The following CAPN1 variants were observed in gnomAD, a reference collection of about 807,000 sequenced individuals.
The protein encoded by CAPN1 is calpain-1 catalytic subunit.
A neutral mutation model predicts 105.2 loss-of-function variants in CAPN1; 77 were observed. The observed-to-expected ratio is 0.73, with a 90% confidence interval of 0.61 to 0.88. The LOEUF (loss-of-function observed/expected upper bound fraction) is 0.88, where lower values mean the gene tolerates loss of function less well. Among genes scored for constraint, CAPN1 ranks in the 40% least tolerant of loss-of-function variants. The pLI, the probability that CAPN1 is intolerant of heterozygous loss-of-function variation, is 0.00. For synonymous variants in CAPN1, 355 were observed against 388.8 expected (o/e 0.91, Z 1.02); for missense variants, 833 against 976.6 (o/e 0.85, Z 1.96).
intron 10 of CAPN1, among the ~76,000 whole-genome samples, chr11:65,193,347 G>GCATTGTCTC (rs1216357414): frequency 6.6e-6 from 1 of 151,850 alleles, no homozygotes; most frequent in Non-Finnish European, 1.5e-5. Context: ...TTGCTCATTT[G>GCATTGTCTC]CATTGTCTCT....
At chr11:65,194,542 C>G (rs904991010) in intron 10 of CAPN1, among the ~76,000 whole-genome samples, 1 of 152,108 alleles carries the variant, frequency 6.6e-6, no homozygotes, top group Non-Finnish European at 1.5e-5. Flanking sequence ...AGCATTTCTT[C>G]ACCGCCCCCA....
chr11:65,183,426 C>A lies in CAPN1; in HGVS notation c.338-48C>A, dbSNP rs889192754. 7.6e-6 allele frequency: 11 copies of A among 1,442,064 alleles called. No homozygotes were observed. In the East Asian group the frequency reaches 1.4e-4, roughly 18 times the overall value. 89.3% of individuals were successfully genotyped at this position (1,442,064 alleles called of 1,614,324 possible). On this transcript the variant is annotated intron_variant, in intron 3 of 21. Coordinates refer to ENST00000279247, the MANE Select transcript of CAPN1 (RefSeq NM_005186.4). Reference sequence around the variant, plus strand: ...TTCTCCCTAGCACCCGCTTCCCCCCCCGGGGCAGGTTGGTAGAGCAGGCTA... The same window carrying A: ...TTCTCCCTAGCACCCGCTTCCCCCCACGGGGCAGGTTGGTAGAGCAGGCTA...
chr11:65,181,881 G>GGGAGGGCGGAGGGCGGAGGGGCGGCGGGA (rs1590845517), upstream of CAPN1: 4 of 170,206 alleles, frequency 2.4e-5, no homozygotes, highest in East Asian at 1.9e-4. The surrounding 1 kb of genome is among the most constrained non-coding windows in gnomAD (Gnocchi z 4.6). Context: ...GAAGGAGAGA[G>GGGAGGGCGGAGGGCGGAGGGGCGGCGGGA]GGAGGGCGGA....
In CAPN1 at chr11:65,188,264, C is replaced by T. The variant is rs563952971; in HGVS notation, c.930-150C>T. On this transcript the variant is annotated intron_variant, in intron 8 of 21. Coordinates refer to ENST00000279247, the MANE Select transcript of CAPN1 (RefSeq NM_005186.4). This position sits in a 1 kb window ranked among gnomAD's most constrained non-coding sequence, Gnocchi z 5.5. The stretch of plus-strand genomic sequence containing the variant: ...GGGCATCAGACTGGCCCTGATGAGA[C>T]CACCCCCTAGAAGCGGAACCTTGGC... 4.0e-4 allele frequency: 294 copies of T among 740,858 alleles called. 1 individual carries two copies. Among genetic ancestry groups the T allele is most frequent in the Non-Finnish European group, 6.0e-4 (269 of 452,020 alleles). The allele number at this position is 740,858 out of a possible 1,614,324, so 45.9% of individuals were successfully genotyped here.
At chr11:65,200,406 G>A (rs1948851318) in intron 10 of CAPN1, among the ~76,000 whole-genome samples, 1 of 152,104 alleles carries the variant, frequency 6.6e-6, no homozygotes. Flanking sequence ...GTGCAATGGT[G>A]TGATCTCGGC....
Position 65,208,243 on chromosome 11 carries a change from C to G in CAPN1, c.1710C>G (p.Leu570=). The change falls in exon 16 of 22, where the codon CTC becomes CTG. Residue 570 remains leucine (L), a synonymous_variant. Transcript: ENST00000279247. This position sits in a 1 kb window ranked among gnomAD's most constrained non-coding sequence, Gnocchi z 4.1. Reference sequence around the variant, plus strand: ...GCGTGAAGGAGTTGCGGACAATCCTCAATAGGATCATCAGCAAACGTGAGT... The same window carrying G: ...GCGTGAAGGAGTTGCGGACAATCCTGAATAGGATCATCAGCAAACGTGAGT... ...EISVKELRTI[L]NRIISKHKDL... is the part of the protein sequence containing the mutation. 4.5e-6 allele frequency: 7 copies of G among 1,569,738 alleles called. No homozygotes were observed. Among genetic ancestry groups the G allele is most frequent in the Non-Finnish European group, 6.0e-6 (7 of 1,157,306 alleles).
In CAPN1 at chr11:65,210,485, C is replaced by G; in HGVS notation, c.2059+33C>G. Reference sequence around the variant, plus strand: ...TCCCCAACTGCCTCCCACCCTCCAGCTCCGTCCCAAACGCGTCCCCCAGGA... The same window carrying G: ...TCCCCAACTGCCTCCCACCCTCCAGGTCCGTCCCAAACGCGTCCCCCAGGA... On this transcript the variant is annotated intron_variant, in intron 20 of 21. Transcript: ENST00000279247. This position sits in a 1 kb window ranked among gnomAD's most constrained non-coding sequence, Gnocchi z 4.3. 7.5e-7 allele frequency: 1 copy of G among 1,335,396 alleles called. No homozygotes were observed. The highest frequency in any genetic ancestry group is 1.1e-6 in the Non-Finnish European group (1 of 934,038). The allele number at this position is 1,335,396 out of a possible 1,614,324, so 82.7% of individuals were successfully genotyped here. A position where few individuals can be genotyped will look rare whatever the true frequency, so the allele number is the denominator to read the frequency against.
At chr11:65,196,571 C>T (rs541477103) in intron 10 of CAPN1, among the ~76,000 whole-genome samples, 1 of 152,212 alleles carries the variant, frequency 6.6e-6, no homozygotes, top group Admixed American at 6.5e-5. Context: ...CTGTCAAATA[C>T]TAGAACTTAT....
At chr11:65,204,966 C>T in intron 11 of CAPN1, 108 bp downstream of exon 11, 1 of 907,316 alleles carries the variant, frequency 1.1e-6, no homozygotes. Flanking sequence ...GGACCATGCC[C>T]TTCCCCACAA....
In CAPN1 at chr11:65,183,198, G is replaced by A; in HGVS notation, c.337+1G>A. ...ACAGACATCTGCCAGGGAGCACTGGGTAGGCCCCCAGGGCGTCGGGTCCCG... is the reference window on the plus strand; with the variant it reads ...ACAGACATCTGCCAGGGAGCACTGGATAGGCCCCCAGGGCGTCGGGTCCCG... On this transcript the variant is annotated splice_donor_variant, in intron 3 of 21. Transcript: ENST00000279247. LOFTEE classifies it high-confidence loss of function. 1 of 1,613,870 alleles carries A rather than the reference G, an allele frequency of 6.2e-7. No individual in the cohort carries two copies. The highest frequency in any genetic ancestry group is 8.5e-7 in the Non-Finnish European group (1 of 1,179,766).
rs529430894 is a variant in CAPN1 at position 65,202,843 on chromosome 11, C to CA, written c.1166-1839dup. Among the ~76,000 whole-genome samples, 342 of 152,222 alleles carry CA rather than the reference C, an allele frequency of 2.2e-3. 2 individuals are homozygous for CA. Among genetic ancestry groups the CA allele is most frequent in the African/African-American group, 7.8e-3 (322 of 41,540 alleles). The stretch of plus-strand genomic sequence containing the variant: ...AACCATCACCACATCAATTTTAGAA[C>CA]ATTTCATTATCCCAAAAACAAATGA... On this transcript the variant is annotated intron_variant, in intron 10 of 21. Coordinates refer to ENST00000279247, the MANE Select transcript of CAPN1 (RefSeq NM_005186.4).
rs919127734 is a variant in CAPN1, at chr11:65,208,707, G to A, written c.1729+445G>A. On this transcript the variant is annotated intron_variant, in intron 16 of 21. Transcript: ENST00000279247. This position sits in a 1 kb window ranked among gnomAD's most constrained non-coding sequence, Gnocchi z 4.1. ...GTTGGGAGGATGGCTTGAGACCAGG[G>A]AGGTTAAGGCTGCAGTGAGCTGTGA... 1 of 286,190 alleles carries A rather than the reference G, an allele frequency of 3.5e-6. No homozygotes were observed. Among genetic ancestry groups the A allele is most frequent in the African/African-American group, 2.2e-5 (1 of 45,998 alleles). The allele number at this position is 286,190 out of a possible 1,614,324, so 17.7% of individuals were successfully genotyped here. A position where few individuals can be genotyped will look rare whatever the true frequency, so the allele number is the denominator to read the frequency against.
chr11:65,204,319 C>G (rs982340071), intron 10 of CAPN1, among the ~76,000 whole-genome samples: 1 of 152,036 alleles, frequency 6.6e-6, no homozygotes, highest in African/African-American at 2.4e-5. Context: ...GGGGCCCTTC[C>G]TCACCTCTGC....
intron 6 of CAPN1, among the ~76,000 whole-genome samples, chr11:65,186,623 A>G (rs1434314479): frequency 6.6e-6 from 1 of 151,524 alleles, no homozygotes; most frequent in African/African-American, 2.4e-5. Flanking sequence ...ATCTCAATCC[A>G]TGCCATCCTC....
At chr11:65,201,317 G>T (rs1364300407) in intron 10 of CAPN1, among the ~76,000 whole-genome samples, 1 of 151,898 alleles carries the variant, frequency 6.6e-6, no homozygotes, top group Admixed American at 6.6e-5. Context: ...GAACTCCTGG[G>T]CTCAAGCAGT....
chr11:65,183,178 C>T lies in CAPN1; in HGVS notation c.318C>T (p.Asp106=), dbSNP rs780457341. 4 of 1,613,798 alleles carry T rather than the reference C, an allele frequency of 2.5e-6. No individual in the cohort carries two copies. The highest frequency in any genetic ancestry group is 3.4e-6 in the Non-Finnish European group (4 of 1,179,842). The change falls in exon 3 of 22, where the codon GAC becomes GAT. Residue 106 remains aspartate, a synonymous_variant. Coordinates refer to ENST00000279247, the MANE Select transcript of CAPN1 (RefSeq NM_005186.4). Reference sequence around the variant, plus strand: ...TTGTGGATGGAGCTACCCGCACAGACATCTGCCAGGGAGCACTGGGTAGGC... The same window carrying T: ...TTGTGGATGGAGCTACCCGCACAGATATCTGCCAGGGAGCACTGGGTAGGC... ...QFIVDGATRT[D]ICQGALGDCW...
chr11:65,189,318 G>T (rs1006955482), intron 10 of CAPN1, among the ~76,000 whole-genome samples: 5 of 152,276 alleles, frequency 3.3e-5, no homozygotes, highest in Non-Finnish European at 7.4e-5. Context: ...ACTGTGCCAG[G>T]TCCCTTCTTG....
Position 65,211,377 on chromosome 11 carries a change from G to C in CAPN1, c.*91G>C, listed in dbSNP as rs967133383. 1.4e-5 allele frequency: 18 copies of C among 1,280,872 alleles called. No individual in the cohort carries two copies. The highest frequency in any genetic ancestry group is 1.9e-5 in the Non-Finnish European group (17 of 896,296). 79.3% of individuals were successfully genotyped at this position (1,280,872 alleles called of 1,614,324 possible). On this transcript the variant is annotated 3_prime_UTR_variant, in exon 22 of 22. Transcript: ENST00000279247. ...CACACCACACCAGGCCACCCCAGCTGCAAGTGCCTTCCTTGGAGCAGAGAG... is the reference window on the plus strand; with the variant it reads ...CACACCACACCAGGCCACCCCAGCTCCAAGTGCCTTCCTTGGAGCAGAGAG...
intron 10 of CAPN1, among the ~76,000 whole-genome samples, chr11:65,192,592 A>G (rs1047301921): frequency 5.3e-5 from 8 of 151,870 alleles, no homozygotes; most frequent in South Asian, 2.1e-4. Context: ...TCTTGAGCCA[A>G]TTTTGATGAG....
Sources: gnomAD v4.1 joint callset for allele counts (sites outside exome capture counted in the v4.1 genomes callset) on GRCh38, gnomAD v4.1.1 for gene constraint, Gnocchi (gnomAD v3.1) non-coding constraint, MANE v1.5 for transcripts, NCBI Gene and HGNC (gene_info 2026-07-23, HGNC 2026-07-21) for gene names.